Variants in CFAP299 observed in about 807,000 individuals in gnomAD.
CFAP299 encodes the protein cilia- and flagella-associated protein 299.
In CFAP299, 21 loss-of-function variants were observed where a neutral mutation model predicts 27.0. That is an observed-to-expected ratio of 0.78 (90% CI 0.55 to 1.12). The LOEUF is 1.12. Among genes scored for constraint, CFAP299 ranks in the 50% most tolerant of loss-of-function variants. The pLI is 0.00. For missense variants in CFAP299, 310 were observed against 276.6 expected (o/e 1.12, Z -0.86); for synonymous variants, 104 against 98.1 (o/e 1.06, Z -0.36).
chr4:80,553,929 CT>C (rs1165283366), intron 2 of CFAP299, among the ~76,000 whole-genome samples: 5 of 152,100 alleles, frequency 3.3e-5, no homozygotes, highest in African/African-American at 1.2e-4. Context: ...TATTTTCTCT[CT>C]TTCTGTAGCT....
chr4:80,540,136 G>A (rs774777545), intron 2 of CFAP299, among the ~76,000 whole-genome samples: 3 of 152,140 alleles, frequency 2.0e-5, no homozygotes, highest in Non-Finnish European at 2.9e-5. Context: ...CTAGCTTTCT[G>A]GCCTTCTTGG....
chr4:80,768,122 T>C (rs977551823), intron 3 of CFAP299, among the ~76,000 whole-genome samples: 3 of 152,184 alleles, frequency 2.0e-5, no homozygotes, highest in African/African-American at 7.2e-5. Context: ...GTCAACATTA[T>C]TGGCATCCAT....
At chr4:80,906,106 G>A (rs1330715232) in intron 4 of CFAP299, among the ~76,000 whole-genome samples, 2 of 152,188 alleles carry the variant, frequency 1.3e-5, no homozygotes, top group Non-Finnish European at 2.9e-5. Context: ...TACAATGGGG[G>A]TACAAGCATT....
At chr4:80,471,885 AC>A (rs765306099) in intron 2 of CFAP299, among the ~76,000 whole-genome samples, 80 of 152,178 alleles carry the variant, frequency 5.3e-4, no homozygotes, top group Non-Finnish European at 9.7e-4. Flanking sequence ...CCTTGGCAGC[AC>A]TGACCCGCGG....
At chr4:80,842,322 C>A (rs1019330849) in intron 3 of CFAP299, among the ~76,000 whole-genome samples, 1 of 152,102 alleles carries the variant, frequency 6.6e-6, no homozygotes, top group Non-Finnish European at 1.5e-5. Context: ...ATGTCCCTGG[C>A]TTATCCCTCC....
At chr4:80,819,704 G>T (rs758986250) in intron 3 of CFAP299, among the ~76,000 whole-genome samples, 19 of 152,010 alleles carry the variant, frequency 1.2e-4, no homozygotes, top group Non-Finnish European at 2.1e-4. Flanking sequence ...AAGATCAATG[G>T]GGGAACAGCC....
intron 4 of CFAP299, among the ~76,000 whole-genome samples, chr4:80,876,144 AT>A (rs1733363165): frequency 6.7e-6 from 1 of 148,374 alleles, no homozygotes; most frequent in African/African-American, 2.4e-5. Flanking sequence ...TAAATATTAT[AT>A]ATTACATTTA....
rs574875480 is a variant in CFAP299, at chr4:80,924,422, T to C, written c.477-20388T>C. Among the ~76,000 whole-genome samples the C allele has an allele frequency of 2.4e-4, 37 of 151,726 alleles. 1 individual carries two copies. In the South Asian group the frequency reaches 7.7e-3, roughly 32 times the overall value. On this transcript the variant is annotated intron_variant, in intron 4 of 5. Coordinates refer to ENST00000358105, the MANE Select transcript of CFAP299 (RefSeq NM_152770.3). ...GTGGCAGACCAAGTTGAAGTCAGAA[T>C]TTGGCCTCCTGATTATTTACAATGG... is the stretch of plus-strand genomic sequence containing the variant.
chr4:80,433,734 CT>C (rs911227841), intron 2 of CFAP299, among the ~76,000 whole-genome samples: 1 of 152,028 alleles, frequency 6.6e-6, no homozygotes, highest in African/African-American at 2.4e-5. Flanking sequence ...CTCAGAGTAA[CT>C]TTTTCTTTCA....
At chr4:80,614,714 G>T (rs1443958303) in intron 3 of CFAP299, among the ~76,000 whole-genome samples, 1 of 151,822 alleles carries the variant, frequency 6.6e-6, no homozygotes, top group Non-Finnish European at 1.5e-5. Context: ...CTTGCAATAT[G>T]GCTCTTTCTG....
At chr4:80,327,734 T>TATATATATATATATAACTTCAATAC in the CFAP299 span, among the ~76,000 whole-genome samples, 1 of 130,394 alleles carries the variant, frequency 7.7e-6, no homozygotes, top group Non-Finnish European at 1.6e-5. Flanking sequence ...CTTCAATACA[T>TATATATATATATATAACTTCAATAC]ATATATATAT....
At chr4:80,425,581 G>A (rs1034759731) in intron 2 of CFAP299, among the ~76,000 whole-genome samples, 1 of 152,054 alleles carries the variant, frequency 6.6e-6, no homozygotes, top group African/African-American at 2.4e-5. Context: ...CCATCCCTAG[G>A]TCTTTTCACT....
At chr4:80,684,396 C>T (rs1248013705) in intron 3 of CFAP299, among the ~76,000 whole-genome samples, 3 of 151,980 alleles carry the variant, frequency 2.0e-5, no homozygotes, top group East Asian at 3.9e-4. Context: ...CCTGAGTAGC[C>T]GGGACTATAG....
chr4:80,826,749 T>C (rs1020638778), intron 3 of CFAP299, among the ~76,000 whole-genome samples: 1 of 151,856 alleles, frequency 6.6e-6, no homozygotes, highest in Non-Finnish European at 1.5e-5. Flanking sequence ...ACCAACATAA[T>C]ACACAATTTT....
At chr4:80,482,006 T>C (rs905419996) in intron 2 of CFAP299, among the ~76,000 whole-genome samples, 6 of 152,094 alleles carry the variant, frequency 3.9e-5, no homozygotes, top group Non-Finnish European at 8.8e-5. Flanking sequence ...ATGCACATGA[T>C]TTCAGTGGTT....
intron 3 of CFAP299, among the ~76,000 whole-genome samples, chr4:80,828,487 C>T (rs1730114265): frequency 6.6e-6 from 1 of 152,018 alleles, no homozygotes; most frequent in African/African-American, 2.4e-5. Context: ...ATCCCCAATG[C>T]TGGAGGCAGG....
intron 2 of CFAP299, among the ~76,000 whole-genome samples, chr4:80,385,722 G>A (rs1423723798): frequency 6.6e-6 from 1 of 152,234 alleles, no homozygotes; most frequent in Non-Finnish European, 1.5e-5. Context: ...GTCTGAGGAC[G>A]CTGTGGGGAA....
chr4:80,330,443 A>G, the CFAP299 span, among the ~76,000 whole-genome samples: 2 of 152,080 alleles, frequency 1.3e-5, no homozygotes, highest in African/African-American at 4.8e-5. Context: ...CCTCTTGCAT[A>G]TGTCCTGCAC....
intron 2 of CFAP299, among the ~76,000 whole-genome samples, chr4:80,447,130 G>GTTTTTTTTTTTTTTTTTTTTTTTTTTTT (rs1553923883): frequency 5.7e-5 from 6 of 105,318 alleles, no homozygotes; most frequent in African/African-American, 2.2e-4. Context: ...TTTTTTTTTT[G>GTTTTTTTTTTTTTTTTTTTTTTTTTTTT]TTTTTTTTTT....
Sources: gnomAD v4.1 joint callset for allele counts (sites outside exome capture counted in the v4.1 genomes callset) on GRCh38, gnomAD v4.1.1 for gene constraint, MANE v1.5 for transcripts, NCBI Gene and HGNC (gene_info 2026-07-23, HGNC 2026-07-21) for gene names.